MEMO1: variants seen among roughly 807,000 people sequenced by gnomAD.
MEMO1 encodes mediator of cell motility 1.
MEMO1 carries 6 observed loss-of-function variants against 45.2 expected under a neutral mutation model. That is an observed-to-expected ratio of 0.13 (90% confidence interval 0.07 to 0.26). MEMO1 has a LOEUF of 0.26. Ranked by LOEUF, MEMO1 falls within the 10% of genes least tolerant of loss-of-function variation. The pLI is 1.00. For synonymous variants in MEMO1, 78 were observed against 124.3 expected, an observed-to-expected ratio of 0.63 and a Z score of 2.48; for missense variants, 184 against 370.5, an observed-to-expected ratio of 0.50 and a Z score of 4.13.
intron 8 of MEMO1, among the ~76,000 whole-genome samples, chr2:31,879,997 T>C (rs574020080): frequency 2.5e-4 from 38 of 152,264 alleles, no homozygotes; most frequent in Admixed American, 1.3e-4. Context: ...ACCTAATTAA[T>C]CCCTAAAGTC....
chr2:31,937,086 G>A (rs1665003926), intron 3 of MEMO1, among the ~76,000 whole-genome samples: 1 of 152,166 alleles, frequency 6.6e-6, no homozygotes, highest in Non-Finnish European at 1.5e-5. Flanking sequence ...AAATGCAGCA[G>A]CTTCCACATT....
At chr2:32,010,163 C>A in intron 2 of MEMO1, 24 bp downstream of exon 2, 2 of 1,271,864 alleles carry the variant, frequency 1.6e-6, no homozygotes, top group Non-Finnish European at 2.0e-6. Context: ...CGGCGGCGGG[C>A]GGGCCGGCGG....
intron 2 of MEMO1, among the ~76,000 whole-genome samples, 177 bp from the exon 3 acceptor site, chr2:31,943,560 T>G (rs1396843770): frequency 2.6e-5 from 4 of 152,216 alleles, no homozygotes; most frequent in Non-Finnish European, 5.9e-5. Context: ...TAACAAGCCA[T>G]ATGATAAGGC....
At chr2:31,934,566 G>A (rs1291695102) in intron 3 of MEMO1, among the ~76,000 whole-genome samples, 2 of 152,056 alleles carry the variant, frequency 1.3e-5, no homozygotes, top group Non-Finnish European at 2.9e-5. Context: ...CATTAAGGAA[G>A]GGCCTAAAGA....
chr2:31,898,944 T>G (rs550647988), intron 6 of MEMO1, among the ~76,000 whole-genome samples: 34 of 152,202 alleles, frequency 2.2e-4, no homozygotes, highest in Non-Finnish European at 3.8e-4. Flanking sequence ...CTTGTTGCAT[T>G]GATCCCTTTA....
chr2:31,946,171 C>T (rs1666170512), intron 2 of MEMO1, among the ~76,000 whole-genome samples: 1 of 152,152 alleles, frequency 6.6e-6, no homozygotes, highest in Non-Finnish European at 1.5e-5. Context: ...TTCACATTCC[C>T]CTACGTCGTT....
intron 3 of MEMO1, 52 bp downstream of exon 3, chr2:31,943,250 G>C: frequency 1.5e-6 from 2 of 1,357,668 alleles, no homozygotes; most frequent in Non-Finnish European, 2.1e-6. Context: ...GGGCGACACA[G>C]GGAGACTCCT....
At chr2:31,993,720 C>T (rs1181698597) in intron 2 of MEMO1, among the ~76,000 whole-genome samples, 1 of 151,992 alleles carries the variant, frequency 6.6e-6, no homozygotes, top group Non-Finnish European at 1.5e-5. Context: ...CTCAGTGGGC[C>T]AAAATCATTG....
At chr2:31,897,573 G>T (rs530206184) in intron 6 of MEMO1, among the ~76,000 whole-genome samples, 1 of 152,210 alleles carries the variant, frequency 6.6e-6, no homozygotes, top group Non-Finnish European at 1.5e-5. Flanking sequence ...AAGCCAAATT[G>T]ATCTTGATGG....
In MEMO1 at chr2:31,996,907, T is replaced by C. The variant is rs75152999; in HGVS notation, c.61+13280A>G. 9.1e-3 allele frequency among the ~76,000 whole-genome samples: 1,383 copies of C among 152,238 alleles called. 23 individuals carry two copies. Among genetic ancestry groups the C allele is most frequent in the African/African-American group, 0.031 (1,292 of 41,542 alleles). ...TACTATGCCCAGCAGAGAACGCATA[T>C]TACTTTCAAAAGAACATGGAACACT... is the stretch of plus-strand genomic sequence containing the variant. On this transcript the variant is annotated intron_variant, in intron 2 of 9. Coordinates refer to ENST00000404530, the MANE Select transcript of MEMO1 (RefSeq NM_001301833.4).
intron 2 of MEMO1, among the ~76,000 whole-genome samples, chr2:31,967,839 T>C (rs1572842763): frequency 6.6e-6 from 1 of 152,210 alleles, no homozygotes; most frequent in South Asian, 2.1e-4. Context: ...AACACAGACA[T>C]GCATTTTTTA....
Position 31,943,346 on chromosome 2 carries a change from T to C in MEMO1, c.99A>G (p.Ser33=). ...CAGGTCTTTTTGTAGACTGTACTTG[T>C]GAAAGCCAACCTTCTAGCTGTGCAT... The part of the protein sequence containing the change: ...QLNAQLEGWL[S]QVQSTKRPAR... The change falls in exon 3 of 10, where the codon TCA becomes TCG. Residue 33 remains serine (S), a synonymous_variant. Transcript: ENST00000404530. 6.2e-7 allele frequency: 1 copy of C among 1,613,986 alleles called. No homozygotes were observed. Among genetic ancestry groups the C allele is most frequent in the Non-Finnish European group, 8.5e-7 (1 of 1,179,886 alleles).
chr2:31,997,170 A>G (rs1194308910), intron 2 of MEMO1, among the ~76,000 whole-genome samples: 1 of 152,160 alleles, frequency 6.6e-6, no homozygotes, highest in African/African-American at 2.4e-5. Flanking sequence ...AAACTTCCAA[A>G]TTTTCTGAAA....
chr2:31,996,135 C>T (rs1204615195), intron 2 of MEMO1, among the ~76,000 whole-genome samples: 1 of 150,910 alleles, frequency 6.6e-6, no homozygotes, highest in Non-Finnish European at 1.5e-5. Flanking sequence ...TGGCTCATGC[C>T]TATAATCCTA....
At chr2:31,996,083 A>C (rs1211734073) in intron 2 of MEMO1, among the ~76,000 whole-genome samples, 1 of 152,130 alleles carries the variant, frequency 6.6e-6, no homozygotes, top group African/African-American at 2.4e-5. Flanking sequence ...TATGCACACC[A>C]AATAATATAA....
intron 6 of MEMO1, among the ~76,000 whole-genome samples, chr2:31,913,924 C>T (rs1314031583): frequency 6.6e-6 from 1 of 152,084 alleles, no homozygotes; most frequent in East Asian, 1.9e-4. Flanking sequence ...GCGGTTTGAC[C>T]AGTAGAATGA....
At chr2:31,940,486 T>C (rs1359906415) in intron 3 of MEMO1, among the ~76,000 whole-genome samples, 1 of 152,244 alleles carries the variant, frequency 6.6e-6, no homozygotes, top group African/African-American at 2.4e-5. Flanking sequence ...TCCATCCTTC[T>C]AGTTTCACAG....
intron 6 of MEMO1, among the ~76,000 whole-genome samples, chr2:31,909,114 C>T (rs992579377): frequency 6.6e-6 from 1 of 152,170 alleles, no homozygotes; most frequent in Non-Finnish European, 1.5e-5. Flanking sequence ...CATACTTCAA[C>T]ATGATAAAGA....
In MEMO1 at chr2:31,885,346, C is replaced by A. The variant is rs564492016; in HGVS notation, c.581-1884G>T. Among the ~76,000 whole-genome samples, 167 of 152,274 alleles carry A rather than the reference C, an allele frequency of 1.1e-3. 1 individual carries two copies. The highest frequency in any genetic ancestry group is 5.8e-3 in the South Asian group (28 of 4,826). ...TGTTGGCCAGGCTGGTCTCAAACTC[C>A]TGACCTAAAGTGATCCACCTGCCTT... On this transcript the variant is annotated intron_variant, in intron 7 of 9. Coordinates refer to ENST00000404530, the MANE Select transcript of MEMO1 (RefSeq NM_001301833.4).
Sources: gnomAD v4.1 joint callset for allele counts (sites outside exome capture counted in the v4.1 genomes callset) on GRCh38, gnomAD v4.1.1 for gene constraint, MANE v1.5 for transcripts, NCBI Gene and HGNC (gene_info 2026-07-23, HGNC 2026-07-21) for gene names.